The following PDE8B variants were observed in gnomAD, a reference collection of about 807,000 sequenced individuals.
PDE8B encodes the protein high affinity cAMP-specific and IBMX-insensitive 3',5'-cyclic phosphodiesterase 8B.
PDE8B carries 26 observed loss-of-function variants against 101.3 expected under a neutral mutation model. The observed-to-expected ratio is 0.26, with a 90% CI of 0.19 to 0.36. The LOEUF (loss-of-function observed/expected upper bound fraction) is 0.36. Among genes scored for constraint, PDE8B ranks in the 10% least tolerant of loss-of-function variants. The probability of loss-of-function intolerance (pLI) is 1.00; values close to 1 mark genes in which losing one functional copy is unlikely to be tolerated. For synonymous variants in PDE8B, 424 were observed against 429.3 expected, an observed-to-expected ratio of 0.99 and a Z score of 0.15; for missense variants, 810 against 1,163.1, an observed-to-expected ratio of 0.70 and a Z score of 4.42.
the PDE8B span, among the ~76,000 whole-genome samples, chr5:77,176,851 G>C: frequency 6.6e-6 from 1 of 152,226 alleles, no homozygotes; most frequent in Non-Finnish European, 1.5e-5. Flanking sequence ...TGGAACTCAT[G>C]CTTGGAGTTG....
At chr5:77,215,998 G>A (rs76266466) in intron 1 of PDE8B, among the ~76,000 whole-genome samples, 3,158 of 152,224 alleles carry the variant, frequency 0.021, 131 homozygotes, top group African/African-American at 0.072. Flanking sequence ...GTGACCAATC[G>A]GAGGGCTGTA....
chr5:77,405,914 A>G (rs6874493), intron 12 of PDE8B, among the ~76,000 whole-genome samples: 87,436 of 151,932 alleles, frequency 0.58, 25,505 homozygotes, highest in East Asian at 0.81. Context: ...TGAGGCTGGT[A>G]ACTTAAGAGA....
chr5:77,200,806 T>C, the PDE8B span, among the ~76,000 whole-genome samples: 1 of 152,196 alleles, frequency 6.6e-6, no homozygotes, highest in African/African-American at 2.4e-5. Context: ...CACATCTTAC[T>C]GAATCTATTT....
At chr5:77,255,881 T>C (rs1476037557) in intron 1 of PDE8B, among the ~76,000 whole-genome samples, 2 of 152,162 alleles carry the variant, frequency 1.3e-5, no homozygotes, top group East Asian at 3.8e-4. Context: ...CAGTTCACTG[T>C]GGTTTGGGTG....
rs1432862548 is a variant in PDE8B at position 77,349,486 on chromosome 5, C to G, written c.944C>G (p.Ala315Gly). 6.2e-7 allele frequency: 1 copy of G among 1,614,178 alleles called. No individual in the cohort carries two copies. The highest frequency in any genetic ancestry group is 1.1e-5 in the South Asian group (1 of 91,084). Residue 315 changes from alanine to glycine, a missense_variant, in exon 8 of 22, where the codon GCT (alanine) becomes GGT (glycine). Coordinates refer to ENST00000264917, the MANE Select transcript of PDE8B (RefSeq NM_003719.5). ...HKGELLGKEL[A>G]DLPKSDKNRA... is the part of the protein sequence containing the mutation. ...GGTGAGCTCCTGGGAAAAGAACTCG[C>G]TGATCTGCCCAAAAGCGATAAGAAC...
At position 77,407,430 on chromosome 5, in the gene PDE8B, C is replaced by T. The variant is rs990314679; in HGVS notation, c.1338C>T (p.Ser446=). ...ATCCGTCCATGGCGAGGATCCACTC[C>T]ATGACCATCGAGGCTCCCATCACAA... is the stretch of plus-strand genomic sequence containing the variant. ...RRYPSMARIH[S]MTIEAPITKV... is the part of the protein sequence containing the mutation. The change falls in exon 13 of 22, where the codon TCC becomes TCT. Residue 446 remains serine (S), a synonymous_variant. Transcript: ENST00000264917. 6.2e-6 allele frequency: 10 copies of T among 1,613,972 alleles called. No homozygotes were observed. The highest frequency in any genetic ancestry group is 8.5e-6 in the Non-Finnish European group (10 of 1,179,892).
At chr5:77,127,241 C>T in the PDE8B span, among the ~76,000 whole-genome samples, 1 of 152,152 alleles carries the variant, frequency 6.6e-6, no homozygotes, top group Non-Finnish European at 1.5e-5. Context: ...CCTGTAATCC[C>T]CATGTGTTGA....
At chr5:77,253,963 A>G (rs1435119286) in intron 1 of PDE8B, among the ~76,000 whole-genome samples, 1 of 151,944 alleles carries the variant, frequency 6.6e-6, no homozygotes, top group Non-Finnish European at 1.5e-5. Context: ...ATTTATAGTT[A>G]TTACTGATAT....
chr5:77,137,208 G>T, the PDE8B span, among the ~76,000 whole-genome samples: 1 of 152,152 alleles, frequency 6.6e-6, no homozygotes, highest in Non-Finnish European at 1.5e-5. Context: ...TAAGCTGAAA[G>T]TCTTCCAGGT....
intron 2 of PDE8B, among the ~76,000 whole-genome samples, chr5:77,314,843 A>G (rs903565532): frequency 4.6e-5 from 7 of 152,136 alleles, no homozygotes; most frequent in Non-Finnish European, 7.4e-5. Flanking sequence ...CCTTGATAAT[A>G]TTTGATGTTG....
At chr5:77,141,407 T>C in the PDE8B span, 1 of 152,198 alleles carries the variant, frequency 6.6e-6, no homozygotes, top group Admixed American at 6.5e-5. Flanking sequence ...TAGAGTTGAG[T>C]TGCTTTGGCC....
At chr5:77,173,833 G>A in the PDE8B span, among the ~76,000 whole-genome samples, 1 of 152,138 alleles carries the variant, frequency 6.6e-6, no homozygotes, top group African/African-American at 2.4e-5. Context: ...GTGGTGGTGC[G>A]TGGCATGCGT....
At chr5:77,380,140 AAAAAC>A (rs1302223530) in intron 10 of PDE8B, among the ~76,000 whole-genome samples, 1 of 152,238 alleles carries the variant, frequency 6.6e-6, no homozygotes, top group Non-Finnish European at 1.5e-5. Context: ...AGGATGAGAC[AAAAAC>A]AAAACAATAT....
At chr5:77,356,602 G>A (rs190723951) in intron 10 of PDE8B, among the ~76,000 whole-genome samples, 1 of 152,170 alleles carries the variant, frequency 6.6e-6, no homozygotes, top group Non-Finnish European at 1.5e-5. Flanking sequence ...GCTAATTTTT[G>A]TATTTTTTGT....
the PDE8B span, among the ~76,000 whole-genome samples, chr5:77,188,134 G>A: frequency 1.6e-4 from 25 of 152,220 alleles, no homozygotes; most frequent in East Asian, 4.4e-3. Flanking sequence ...AAATTAACTT[G>A]CTCAGAGAGC....
At chr5:77,367,186 C>CACAA (rs1784303549) in intron 10 of PDE8B, among the ~76,000 whole-genome samples, 1 of 152,048 alleles carries the variant, frequency 6.6e-6, no homozygotes, top group Non-Finnish European at 1.5e-5. Flanking sequence ...CACACACACA[C>CACAA]ACAAATGTCT....
rs909106474 is a variant in PDE8B at position 77,290,194 on chromosome 5, T to C, written c.340-21800T>C. The C allele has an allele frequency of 2.0e-6, 3 of 1,524,260 alleles. No individual in the cohort carries two copies. In the African/African-American group the frequency reaches 4.1e-5, roughly 21 times the overall value. 94.4% of individuals were successfully genotyped at this position (1,524,260 alleles called of 1,614,324 possible). A position where few individuals can be genotyped will look rare whatever the true frequency, so the allele number is the denominator to read the frequency against. On this transcript the variant is annotated intron_variant, in intron 1 of 21. Coordinates refer to ENST00000264917, the MANE Select transcript of PDE8B (RefSeq NM_003719.5). Reference sequence around the variant, plus strand: ...CATTAAAAACCATTGATGTGGCGCCTGCCTCGCGCACTGTGTGTGCACGCT... The same window carrying C: ...CATTAAAAACCATTGATGTGGCGCCCGCCTCGCGCACTGTGTGTGCACGCT...
chr5:77,250,397 G>T (rs1757838768), intron 1 of PDE8B, among the ~76,000 whole-genome samples: 1 of 152,178 alleles, frequency 6.6e-6, no homozygotes, highest in Non-Finnish European at 1.5e-5. Context: ...TTCCAGGAAG[G>T]GATGAGGCCC....
At chr5:77,276,792 C>T (rs1004393029) in intron 1 of PDE8B, among the ~76,000 whole-genome samples, 2 of 152,158 alleles carry the variant, frequency 1.3e-5, no homozygotes, top group Non-Finnish European at 2.9e-5. Flanking sequence ...TCCTTAAATA[C>T]ATTACAGCAC....
Sources: allele counts gnomAD v4.1 joint callset (sites outside exome capture counted in the v4.1 genomes callset), GRCh38; gene constraint gnomAD v4.1.1; transcripts MANE v1.5; gene names NCBI Gene and HGNC (gene_info 2026-07-23, HGNC 2026-07-21).